Variants in TRAF7 observed in about 807,000 individuals in gnomAD.
TRAF7 encodes the protein E3 ubiquitin-protein ligase TRAF7.
A neutral mutation model predicts 89.3 loss-of-function variants in TRAF7; 45 were observed. The observed-to-expected ratio is 0.50, with a 90% CI of 0.40 to 0.65. The LOEUF (loss-of-function observed/expected upper bound fraction) is 0.65. Among genes scored for constraint, TRAF7 ranks in the 30% least tolerant of loss-of-function variants. The pLI is 0.00. For synonymous variants in TRAF7, 406 were observed against 369.2 expected, an observed-to-expected ratio of 1.10 and a Z score of -1.14; for missense variants, 677 against 918.1, an observed-to-expected ratio of 0.74 and a Z score of 3.39.
chr16:2,176,855 C>G lies in TRAF7; in HGVS notation c.*281C>G. 1.7e-6 allele frequency: 1 copy of G among 584,740 alleles called. No homozygotes were observed. The highest frequency in any genetic ancestry group is 2.8e-5 in the East Asian group (1 of 35,214). The allele number at this position is 584,740 out of a possible 1,614,324, so 36.2% of individuals were successfully genotyped here. A position where few individuals can be genotyped will look rare whatever the true frequency, so the allele number is the denominator to read the frequency against. ...TCCCCACCCTAGATGGAGCGAGGGC[C>G]TTTTTACTCACCTTTTCTACCGTTT... On this transcript the variant is annotated 3_prime_UTR_variant, in exon 21 of 21. Coordinates refer to ENST00000326181, the MANE Select transcript of TRAF7 (RefSeq NM_032271.3).
Position 2,172,306 on chromosome 16 carries a change from C to T in TRAF7, c.591C>T (p.Ser197=), listed in dbSNP as rs35765267. The change falls in exon 8 of 21, where the codon AGC becomes AGT. Residue 197 remains serine, a synonymous_variant. Transcript: ENST00000326181. The stretch of plus-strand genomic sequence containing the variant: ...GGCACGGCTGCCGGGTAGCGGGCAG[C>T]GGGAAGCCCCCCATCTTTGAGGTGG... ...HCRHGCRVAG[S]GKPPIFEVDP... 2.4e-3 allele frequency: 3,817 copies of T among 1,612,672 alleles called. 9 individuals carry two copies. The highest frequency in any genetic ancestry group is 3.0e-3 in the Non-Finnish European group (3,505 of 1,179,962).
At position 2,176,404 on chromosome 16, in the gene TRAF7, GC is replaced by G; in HGVS notation, c.1998+22del. The G allele has an allele frequency of 6.2e-7, 1 of 1,610,776 alleles. No individual in the cohort carries two copies. The highest frequency in any genetic ancestry group is 1.3e-5 in the African/African-American group (1 of 75,056). On this transcript the variant is annotated intron_variant, in intron 20 of 20. Transcript: ENST00000326181. Reference sequence around the variant, plus strand: ...GTGAAGGTCAGTGCCCGTGGCTCAGGCCATTCAAAGGGGCTGCACAGGATGG... The same window carrying G: ...GTGAAGGTCAGTGCCCGTGGCTCAGGCATTCAAAGGGGCTGCACAGGATGG...
rs1162605673 is a variant in TRAF7, at chr16:2,162,474, A to T, written c.-38-1409A>T. Among the ~76,000 whole-genome samples, 1 of 152,126 alleles carries T rather than the reference A, an allele frequency of 6.6e-6. No individual in the cohort carries two copies. Among genetic ancestry groups the T allele is most frequent in the Admixed American group, 6.5e-5 (1 of 15,290 alleles). On this transcript the variant is annotated intron_variant, in intron 1 of 20. Coordinates refer to ENST00000326181, the MANE Select transcript of TRAF7 (RefSeq NM_032271.3). The surrounding 1 kb of genome is among the most constrained non-coding windows in gnomAD (Gnocchi z 5.0). ...GACTGATGGAGGAGGTACTGGAGCC[A>T]GCTGGGCTCAGTGATGCCCCCTGAG...
chr16:2,157,264 C>G (rs765427158), intron 1 of TRAF7, among the ~76,000 whole-genome samples: 1 of 152,112 alleles, frequency 6.6e-6, no homozygotes, highest in Non-Finnish European at 1.5e-5. Context: ...GTGGAAGCCT[C>G]GGGCCCCGTG....
At chr16:2,171,446 C>A in intron 6 of TRAF7, 90 bp downstream of exon 6, 17 of 1,543,918 alleles carry the variant, frequency 1.1e-5, no homozygotes, top group Non-Finnish European at 1.5e-5. Flanking sequence ...GGCGCCCTGG[C>A]CTTGGTCAAG....
In TRAF7 at chr16:2,173,473, C is replaced by T; in HGVS notation, c.1013-8C>T. On this transcript the variant is annotated splice_polypyrimidine_tract_variant and splice_region_variant and intron_variant, in intron 10 of 20. Coordinates refer to ENST00000326181, the MANE Select transcript of TRAF7 (RefSeq NM_032271.3). ...ACCAGTGACACCCCCTCTCCTCCTG[C>T]TACTCAGACGTCCTGGACGAAAACC... 1 of 1,613,270 alleles carries T rather than the reference C, an allele frequency of 6.2e-7. No individual in the cohort carries two copies. Among genetic ancestry groups the T allele is most frequent in the Non-Finnish European group, 8.5e-7 (1 of 1,179,870 alleles).
rs532237398 is a variant in TRAF7 at position 2,161,775 on chromosome 16, A to G, written c.-38-2108A>G. 7.2e-5 allele frequency among the ~76,000 whole-genome samples: 11 copies of G among 152,300 alleles called. No homozygotes were observed. Among genetic ancestry groups the G allele is most frequent in the East Asian group, 1.9e-4 (1 of 5,176 alleles). On this transcript the variant is annotated intron_variant, in intron 1 of 20. Coordinates refer to ENST00000326181, the MANE Select transcript of TRAF7 (RefSeq NM_032271.3). The surrounding 1 kb of genome is among the most constrained non-coding windows in gnomAD (Gnocchi z 5.2). ...CTGGGACATCCTCACCCCAAGCACAATGGCAAAAGGCAAGCCCTGGCCAGC... is the reference window on the plus strand; with the variant it reads ...CTGGGACATCCTCACCCCAAGCACAGTGGCAAAAGGCAAGCCCTGGCCAGC...
At position 2,161,052 on chromosome 16, in the gene TRAF7, G is replaced by A. The variant is rs781007696; in HGVS notation, c.-38-2831G>A. 8.5e-5 allele frequency among the ~76,000 whole-genome samples: 13 copies of A among 152,072 alleles called. No homozygotes were observed. Among genetic ancestry groups the A allele is most frequent in the Non-Finnish European group, 1.5e-4 (10 of 67,980 alleles). On this transcript the variant is annotated intron_variant, in intron 1 of 20. Coordinates refer to ENST00000326181, the MANE Select transcript of TRAF7 (RefSeq NM_032271.3). This position sits in a 1 kb window ranked among gnomAD's most constrained non-coding sequence, Gnocchi z 5.2. Reference sequence around the variant, plus strand: ...GCGGGGATGGATCCTGCCTTAGGGCGGGACACAAACGTTCCCTGGCCTCCA... The same window carrying A: ...GCGGGGATGGATCCTGCCTTAGGGCAGGACACAAACGTTCCCTGGCCTCCA...
intron 5 of TRAF7, among the ~76,000 whole-genome samples, 186 bp downstream of exon 5, chr16:2,170,916 A>T (rs2093106691): frequency 6.6e-6 from 1 of 152,284 alleles, no homozygotes; most frequent in South Asian, 2.1e-4. Context: ...TCCCCTGGGC[A>T]TGTTCCCCCA....
chr16:2,173,859 T>TGGCCC, intron 12 of TRAF7, 23 bp downstream of exon 12: 5 of 1,246,216 alleles, frequency 4.0e-6, no homozygotes, highest in Non-Finnish European at 5.5e-6. Flanking sequence ...CCGCCGTGGC[T>TGGCCC]CCCGCCCACC....
chr16:2,173,636 G>C (rs2093122819), intron 11 of TRAF7, 82 bp downstream of exon 11: 26 of 1,584,596 alleles, frequency 1.6e-5, no homozygotes, highest in Non-Finnish European at 2.2e-5. Flanking sequence ...CCCTGGCCTT[G>C]CCTACACTAG....
chr16:2,175,215 C>T (rs1420828558), intron 15 of TRAF7, 65 bp downstream of exon 15: 13 of 1,612,614 alleles, frequency 8.1e-6, no homozygotes, highest in Non-Finnish European at 1.1e-5. Flanking sequence ...TGTAGGTGCC[C>T]CAGGGACGTG....
chr16:2,164,758 G>GCA (rs1170143690), intron 2 of TRAF7, among the ~76,000 whole-genome samples: 3 of 111,952 alleles, frequency 2.7e-5, no homozygotes, highest in Admixed American at 8.7e-5. Flanking sequence ...TGCGTGGCCT[G>GCA]GCCTGGTCGC....
chr16:2,176,876 C>T lies in TRAF7; in HGVS notation c.*302C>T, dbSNP rs1263270485. 2.2e-5 allele frequency: 12 copies of T among 556,118 alleles called. No homozygotes were observed. Among genetic ancestry groups the T allele is most frequent in the South Asian group, 4.1e-5 (2 of 49,122 alleles). The allele number at this position is 556,118 out of a possible 1,614,324, so 34.4% of individuals were successfully genotyped here. On this transcript the variant is annotated 3_prime_UTR_variant, in exon 21 of 21. Coordinates refer to ENST00000326181, the MANE Select transcript of TRAF7 (RefSeq NM_032271.3). ...GGGCCTTTTTACTCACCTTTTCTAC[C>T]GTTTTTAGACTGTATGTAGATTTGG...
At position 2,159,599 on chromosome 16, in the gene TRAF7, A is replaced by G. The variant is rs2093049362; in HGVS notation, c.-39+3741A>G. On this transcript the variant is annotated intron_variant, in intron 1 of 20. Coordinates refer to ENST00000326181, the MANE Select transcript of TRAF7 (RefSeq NM_032271.3). The surrounding 1 kb of genome is among the most constrained non-coding windows in gnomAD (Gnocchi z 6.5). ...CGGGCAGTCTGTGGGTGCCCTGGGC[A>G]GGCTCTGTGATGCCAGGGGCCACGC... 1.3e-5 allele frequency among the ~76,000 whole-genome samples: 2 copies of G among 152,124 alleles called. No homozygotes were observed. Among genetic ancestry groups the G allele is most frequent in the South Asian group, 4.1e-4 (2 of 4,830 alleles).
intron 16 of TRAF7, 34 bp from the exon 17 acceptor site, chr16:2,175,466 C>T (rs994894168): frequency 6.2e-7 from 1 of 1,612,302 alleles, no homozygotes; most frequent in Non-Finnish European, 8.5e-7. Context: ...GCGTCCCTTG[C>T]CCGCCCAGCC....
At chr16:2,160,135 G>C (rs2093051625) in intron 1 of TRAF7, among the ~76,000 whole-genome samples, 1 of 152,122 alleles carries the variant, frequency 6.6e-6, no homozygotes, top group Non-Finnish European at 1.5e-5. Flanking sequence ...GGTGCCCCCA[G>C]GGCCCCGGAA....
chr16:2,176,642 A>G lies in TRAF7; in HGVS notation c.*68A>G. 2 of 1,611,550 alleles carry G rather than the reference A, an allele frequency of 1.2e-6. No homozygotes were observed. The highest frequency in any genetic ancestry group is 1.1e-5 in the South Asian group (1 of 90,962). ...GACCTTTCTGAGCCAGGCTGGCCACATGGGGTGGTCTCGGGGTTTCTGCCT... is the reference window on the plus strand; with the variant it reads ...GACCTTTCTGAGCCAGGCTGGCCACGTGGGGTGGTCTCGGGGTTTCTGCCT... On this transcript the variant is annotated 3_prime_UTR_variant, in exon 21 of 21. Transcript: ENST00000326181.
chr16:2,172,211 G>A lies in TRAF7; in HGVS notation c.496G>A (p.Val166Ile), dbSNP rs375286771. ...LKSEKCPVDN[V>I]KLTVVVNNIA... The stretch of plus-strand genomic sequence containing the variant: ...CCCAGAGAAGTGTCCCGTGGACAAC[G>A]TCAAACTGACCGTGGTGGTGAACAA... Residue 166 changes from valine to isoleucine, a missense_variant, in exon 8 of 21, where the codon GTC (valine) becomes ATC (isoleucine). Val to Ile is a conservative substitution (Grantham distance 29). This residue lies in a region of TRAF7 where 238 missense variants were observed against 352.6 expected (regional missense o/e 0.67). Transcript: ENST00000326181. 289 of 1,612,946 alleles carry A rather than the reference G, an allele frequency of 1.8e-4. No individual in the cohort carries two copies. Among genetic ancestry groups the A allele is most frequent in the Non-Finnish European group, 2.3e-4 (273 of 1,179,972 alleles).
Sources: gnomAD v4.1 joint callset for allele counts (sites outside exome capture counted in the v4.1 genomes callset) on GRCh38, gnomAD v4.1.1 for gene constraint, gnomAD v4.1.1 regional missense constraint, Gnocchi (gnomAD v3.1) non-coding constraint, MANE v1.5 for transcripts, NCBI Gene and HGNC (gene_info 2026-07-23, HGNC 2026-07-21) for gene names.